The following DRC8 variants were observed in gnomAD, a reference collection of about 807,000 sequenced individuals.
The protein encoded by DRC8 is dynein regulatory complex protein 8.
At chr1:244,997,736 G>A in the DRC8 span, among the ~76,000 whole-genome samples, 1 of 151,894 alleles carries the variant, frequency 6.6e-6, no homozygotes, top group African/African-American at 2.4e-5. Flanking sequence ...GTAGAAACGA[G>A]GTTTCACCAT....
At chr1:244,998,755 C>T in the DRC8 span, among the ~76,000 whole-genome samples, 1 of 152,160 alleles carries the variant, frequency 6.6e-6, no homozygotes, top group South Asian at 2.1e-4. Context: ...AATGCCATGG[C>T]ACTAGGACAG....
At chr1:245,121,061 T>A in the DRC8 span, among the ~76,000 whole-genome samples, 1 of 152,276 alleles carries the variant, frequency 6.6e-6, no homozygotes, top group Non-Finnish European at 1.5e-5. Context: ...ACTACATTTT[T>A]CTTAAGTTTC....
At chr1:245,025,264 T>A in the DRC8 span, among the ~76,000 whole-genome samples, 4 of 152,232 alleles carry the variant, frequency 2.6e-5, no homozygotes, top group Non-Finnish European at 4.4e-5. Flanking sequence ...AAAATGACTC[T>A]AATCTTATTC....
the DRC8 span, among the ~76,000 whole-genome samples, chr1:245,064,015 G>A: frequency 1.3e-5 from 2 of 152,116 alleles, no homozygotes; most frequent in Non-Finnish European, 2.9e-5. Context: ...GACCAACCAC[G>A]CCCGGCCCAG....
At chr1:245,090,091 G>T in the DRC8 span, among the ~76,000 whole-genome samples, 1 of 152,226 alleles carries the variant, frequency 6.6e-6, no homozygotes, top group African/African-American at 2.4e-5. Flanking sequence ...GTAGATTGTT[G>T]TACCAGGGTT....
the DRC8 span, chr1:245,002,206 C>A: frequency 6.2e-7 from 1 of 1,609,828 alleles, no homozygotes; most frequent in Non-Finnish European, 8.5e-7. Context: ...GACCATCACA[C>A]AATGACGGTG....
the DRC8 span, chr1:245,091,559 C>T: frequency 6.6e-6 from 1 of 152,258 alleles, no homozygotes; most frequent in South Asian, 2.1e-4. Flanking sequence ...CCCAGCCCCA[C>T]CTTCGAGGGT....
At chr1:245,087,165 A>T in the DRC8 span, 1 of 1,546,096 alleles carries the variant, frequency 6.5e-7, no homozygotes, top group Non-Finnish European at 8.7e-7. Context: ...GTGGGGCTCC[A>T]TGGCTATTAA....
At chr1:245,075,937 C>G in the DRC8 span, among the ~76,000 whole-genome samples, 1 of 152,152 alleles carries the variant, frequency 6.6e-6, no homozygotes, top group East Asian at 1.9e-4. Context: ...TGTGGGGAAA[C>G]AGCAGAGGTG....
At chr1:245,024,869 A>G in the DRC8 span, among the ~76,000 whole-genome samples, 1 of 152,290 alleles carries the variant, frequency 6.6e-6, no homozygotes, top group Non-Finnish European at 1.5e-5. Context: ...AAATTAGAAC[A>G]TCTTTCATAT....
At chr1:245,049,836 G>C in the DRC8 span, among the ~76,000 whole-genome samples, 1 of 152,214 alleles carries the variant, frequency 6.6e-6, no homozygotes, top group Admixed American at 6.5e-5. The surrounding 1 kb of genome is among the most constrained non-coding windows in gnomAD (Gnocchi z 4.5). Flanking sequence ...GCTAGGCTGT[G>C]TGTGTGAATC....
At chr1:245,002,406 A>G in the DRC8 span, among the ~76,000 whole-genome samples, 1 of 151,592 alleles carries the variant, frequency 6.6e-6, no homozygotes, top group South Asian at 2.1e-4. Context: ...TAAAATCCAA[A>G]CTCCTTCAAT....
At chr1:245,050,664 C>T in the DRC8 span, among the ~76,000 whole-genome samples, 1 of 152,170 alleles carries the variant, frequency 6.6e-6, no homozygotes, top group Non-Finnish European at 1.5e-5. Flanking sequence ...TGCTGTGGAA[C>T]TCTCAGCTAT....
the DRC8 span, among the ~76,000 whole-genome samples, chr1:245,007,351 TG>T: frequency 2.6e-5 from 4 of 152,154 alleles, no homozygotes; most frequent in African/African-American, 9.7e-5. Context: ...GATTTTAGTA[TG>T]AAAAAAATAC....
the DRC8 span, among the ~76,000 whole-genome samples, chr1:244,980,629 G>A: frequency 1.3e-5 from 2 of 152,172 alleles, no homozygotes; most frequent in Admixed American, 6.5e-5. Flanking sequence ...TCAGGGACAC[G>A]GTTTCTGATT....
the DRC8 span, among the ~76,000 whole-genome samples, chr1:245,112,767 T>C: frequency 6.6e-6 from 1 of 151,912 alleles, no homozygotes; most frequent in Admixed American, 6.6e-5. Flanking sequence ...TTTTTTTTTT[T>C]TTTTGAGATG....
the DRC8 span, among the ~76,000 whole-genome samples, chr1:245,068,608 A>AT: frequency 0.018 from 2,488 of 140,992 alleles, 68 homozygotes; most frequent in African/African-American, 0.054. Context: ...CTCCCAGCTA[A>AT]TTTTTTTTTT....
At chr1:245,031,918 A>G in the DRC8 span, among the ~76,000 whole-genome samples, 6 of 152,206 alleles carry the variant, frequency 3.9e-5, no homozygotes, top group East Asian at 9.6e-4. Flanking sequence ...ATACATTTGT[A>G]TAGATTCATG....
chr1:245,082,018 G>A, the DRC8 span: 2 of 1,363,798 alleles, frequency 1.5e-6, no homozygotes, highest in Admixed American at 1.7e-5. Context: ...ACAGTGCTTG[G>A]AACAACTAGT....
Sources: gnomAD v4.1 joint callset for allele counts (sites outside exome capture counted in the v4.1 genomes callset) on GRCh38, gnomAD v4.1.1 for gene constraint, Gnocchi (gnomAD v3.1) non-coding constraint, MANE v1.5 for transcripts, NCBI Gene and HGNC (gene_info 2026-07-23, HGNC 2026-07-21) for gene names.